TENM3: variants seen among roughly 807,000 people sequenced by gnomAD.
TENM3 encodes the protein teneurin-3.
Under a neutral mutation model 255.1 loss-of-function variants are expected in TENM3, and 63 were observed. That is an observed-to-expected ratio of 0.25 (90% CI 0.20 to 0.30). TENM3 has a LOEUF of 0.30. Among genes scored for constraint, TENM3 ranks in the 10% least tolerant of loss-of-function variants. The probability of loss-of-function intolerance (pLI) is 1.00; values close to 1 mark genes in which losing one functional copy is unlikely to be tolerated. For synonymous variants in TENM3, 1,306 were observed against 1,322.3 expected (o/e 0.99, Z 0.27); for missense variants, 2,929 against 3,461.1 (o/e 0.85, Z 3.86).
chr4:181,887,509 G>A, the TENM3 span, among the ~76,000 whole-genome samples: 4 of 151,682 alleles, frequency 2.6e-5, no homozygotes, highest in South Asian at 4.2e-4. Flanking sequence ...TTCTTTCTCT[G>A]TGCCTCTCTA....
At chr4:182,418,340 C>A (rs28521979) in intron 3 of TENM3, among the ~76,000 whole-genome samples, 31 of 152,100 alleles carry the variant, frequency 2.0e-4, no homozygotes, top group African/African-American at 7.5e-4. Flanking sequence ...ACGGATTCTC[C>A]AGTAAGCATC....
intron 3 of TENM3, among the ~76,000 whole-genome samples, chr4:182,477,386 G>A (rs28716197): frequency 0.18 from 27,468 of 152,054 alleles, 2,548 homozygotes; most frequent in Middle Eastern, 0.27. Context: ...TTGAGACCCT[G>A]CAAGACCCTG....
chr4:181,449,439 A>G, the TENM3 span, among the ~76,000 whole-genome samples: 69,678 of 152,016 alleles, frequency 0.46, 16,487 homozygotes, highest in African/African-American at 0.53. Flanking sequence ...TAATAAGAGT[A>G]TTATAGGAAA....
At chr4:181,876,850 T>C in the TENM3 span, among the ~76,000 whole-genome samples, 705 of 152,248 alleles carry the variant, frequency 4.6e-3, 9 homozygotes, top group African/African-American at 0.016. Context: ...TTCTCCTTGA[T>C]TTGCAAGGTC....
the TENM3 span, among the ~76,000 whole-genome samples, chr4:181,487,076 T>C: frequency 1.3e-5 from 2 of 152,188 alleles, no homozygotes; most frequent in African/African-American, 4.8e-5. Flanking sequence ...GCGCATACCA[T>C]ATAAAAGCAT....
chr4:182,573,977 AAATT>A (rs1343642734), intron 3 of TENM3, among the ~76,000 whole-genome samples: 14 of 152,298 alleles, frequency 9.2e-5, no homozygotes, highest in African/African-American at 3.1e-4. Flanking sequence ...TGAAAAACTA[AAATT>A]AATTCTTCTT....
chr4:182,584,442 G>A (rs1187003270), intron 3 of TENM3, among the ~76,000 whole-genome samples: 1 of 152,122 alleles, frequency 6.6e-6, no homozygotes, highest in Admixed American at 6.6e-5. Flanking sequence ...TGCAGAGACT[G>A]CAAAATCAGT....
chr4:182,423,707 CATAACA>C (rs1284514468), intron 3 of TENM3, among the ~76,000 whole-genome samples: 1 of 152,102 alleles, frequency 6.6e-6, no homozygotes, highest in Non-Finnish European at 1.5e-5. Context: ...TATTATCAAC[CATAACA>C]ATAATATGTT....
chr4:181,758,736 A>G, the TENM3 span, among the ~76,000 whole-genome samples: 1 of 152,204 alleles, frequency 6.6e-6, no homozygotes, highest in African/African-American at 2.4e-5. Flanking sequence ...TGGACAGGAA[A>G]GATTACTAAA....
intron 1 of TENM3, among the ~76,000 whole-genome samples, chr4:182,280,577 A>G (rs1465987264): frequency 1.3e-5 from 2 of 152,206 alleles, no homozygotes; most frequent in Admixed American, 1.3e-4. Flanking sequence ...GCATAAAAAT[A>G]GACCTTTTCT....
intron 3 of TENM3, among the ~76,000 whole-genome samples, chr4:182,460,857 A>G (rs1449701680): frequency 6.6e-6 from 1 of 152,338 alleles, no homozygotes; most frequent in East Asian, 1.9e-4. Context: ...AAGAATTAAT[A>G]TGTAATATTT....
At position 182,324,266 on chromosome 4, in the gene TENM3, C is replaced by T. The variant is rs1463245636; in HGVS notation, c.232+14C>T. 7 of 1,581,780 alleles carry T rather than the reference C, an allele frequency of 4.4e-6. No homozygotes were observed. The highest frequency in any genetic ancestry group is 5.2e-6 in the Non-Finnish European group (6 of 1,150,624). On this transcript the variant is annotated intron_variant, in intron 2 of 27. Transcript: ENST00000511685. The stretch of plus-strand genomic sequence containing the variant: ...TCACTAGACAAGGTGGGTAACTGTC[C>T]TAGTAAAATAAGGCAATGCTCACGT...
chr4:182,562,183 A>G (rs1232783378), intron 3 of TENM3, among the ~76,000 whole-genome samples: 2 of 152,214 alleles, frequency 1.3e-5, no homozygotes, highest in Non-Finnish European at 2.9e-5. Context: ...AAGAAACATA[A>G]ACATCTATTC....
intron 3 of TENM3, among the ~76,000 whole-genome samples, chr4:182,553,386 G>C (rs1042125525): frequency 4.7e-5 from 6 of 127,850 alleles, no homozygotes; most frequent in African/African-American, 1.4e-4. Flanking sequence ...GTCGTGGGGT[G>C]GGGGGAGGGG....
chr4:182,125,035 C>T, the TENM3 span, among the ~76,000 whole-genome samples: 2 of 136,246 alleles, frequency 1.5e-5, no homozygotes. Flanking sequence ...CTTCCCATTG[C>T]CCAGCGCATC....
chr4:182,687,264 C>G (rs987652151), intron 11 of TENM3, among the ~76,000 whole-genome samples: 3 of 152,090 alleles, frequency 2.0e-5, no homozygotes, highest in African/African-American at 7.2e-5. Context: ...AAAACTATAG[C>G]TAACTTTAAT....
chr4:181,631,629 G>C, the TENM3 span, among the ~76,000 whole-genome samples: 2 of 152,196 alleles, frequency 1.3e-5, no homozygotes, highest in South Asian at 4.2e-4. Flanking sequence ...GATTAGACCA[G>C]GCCCACCCAA....
At chr4:182,287,623 A>ATTTTTATTTATTT (rs1399450509) in intron 1 of TENM3, among the ~76,000 whole-genome samples, 6 of 144,142 alleles carry the variant, frequency 4.2e-5, no homozygotes, top group African/African-American at 1.7e-4. Context: ...TTATTTATTT[A>ATTTTTATTTATTT]TTTTTTTTGA....
At chr4:182,788,122 A>G (rs1196312922) in intron 24 of TENM3, among the ~76,000 whole-genome samples, 2 of 152,124 alleles carry the variant, frequency 1.3e-5, no homozygotes, top group Non-Finnish European at 2.9e-5. Flanking sequence ...GGTTATGTAA[A>G]ATTAAGATGT....
Sources: allele counts gnomAD v4.1 joint callset (sites outside exome capture counted in the v4.1 genomes callset), GRCh38; gene constraint gnomAD v4.1.1; transcripts MANE v1.5; gene names NCBI Gene and HGNC (gene_info 2026-07-23, HGNC 2026-07-21).